Variants in POLN observed in about 807,000 individuals in gnomAD.
POLN encodes the protein DNA polymerase nu.
In POLN, 108 loss-of-function variants were observed where a neutral mutation model predicts 113.5. That is an observed-to-expected ratio of 0.95 (90% confidence interval 0.81 to 1.12). The LOEUF (loss-of-function observed/expected upper bound fraction) is 1.12. Among genes scored for constraint, POLN ranks in the 50% most tolerant of loss-of-function variants. POLN has a pLI of 0.00. For synonymous variants in POLN, 386 were observed against 391.5 expected, an observed-to-expected ratio of 0.99 and a Z score of 0.17; for missense variants, 1,097 against 1,077.1, an observed-to-expected ratio of 1.02 and a Z score of -0.26.
At chr4:2,162,400 C>T (rs1469508717) in intron 13 of POLN, among the ~76,000 whole-genome samples, 2 of 151,802 alleles carry the variant, frequency 1.3e-5, no homozygotes, top group Non-Finnish European at 2.9e-5. Context: ...CACATCCGAA[C>T]ATCAGAAGGA....
intron 13 of POLN, among the ~76,000 whole-genome samples, chr4:2,161,138 C>T (rs1372299776): frequency 6.6e-6 from 1 of 152,220 alleles, no homozygotes; most frequent in African/African-American, 2.4e-5. Context: ...TCGCTCTCGG[C>T]GCCTCCTCTG....
chr4:2,160,311 T>C (rs1381510558), intron 13 of POLN, among the ~76,000 whole-genome samples: 2 of 152,392 alleles, frequency 1.3e-5, no homozygotes, highest in East Asian at 3.8e-4. Flanking sequence ...GTGTGTCTTT[T>C]TCTCCTTGGG....
At chr4:2,095,990 CAG>C in intron 19 of POLN, 57 bp from the exon 20 acceptor site, 2 of 1,443,388 alleles carry the variant, frequency 1.4e-6, no homozygotes, top group Non-Finnish European at 2.0e-6. Flanking sequence ...CAGTGCAGGG[CAG>C]ACAGTCCAAC....
chr4:2,116,300 C>T (rs1373896640), intron 19 of POLN, among the ~76,000 whole-genome samples: 2 of 152,150 alleles, frequency 1.3e-5, no homozygotes. Context: ...TTTCTTCTTC[C>T]CTCATCTATG....
At chr4:2,224,642 G>C (rs35324792) in intron 3 of POLN, among the ~76,000 whole-genome samples, 1 of 151,904 alleles carries the variant, frequency 6.6e-6, no homozygotes, top group South Asian at 2.1e-4. Flanking sequence ...GTTTGTTTAC[G>C]CCAGCATCAC....
chr4:2,078,404 A>C, intron 23 of POLN: 1 of 190,172 alleles, frequency 5.3e-6, no homozygotes, highest in Non-Finnish European at 9.7e-6. Context: ...TGGGTGGTGA[A>C]TGCAGACTGT....
rs774833920 is a variant in POLN at position 2,081,761 on chromosome 4, A to G, written c.2198-18T>C. 1 of 1,608,444 alleles carries G rather than the reference A, an allele frequency of 6.2e-7. No individual in the cohort carries two copies. Among genetic ancestry groups the G allele is most frequent in the East Asian group, 2.2e-5 (1 of 44,802 alleles). ...CACACAGCCTGAGTCACACAGAGCA[A>G]AAGTAGATGAGGGACAGAAACAGGC... On this transcript the variant is annotated intron_variant, in intron 21 of 25. Coordinates refer to ENST00000511885, the MANE Select transcript of POLN (RefSeq NM_181808.4).
intron 15 of POLN, among the ~76,000 whole-genome samples, chr4:2,157,123 A>G (rs539328557): frequency 1.4e-4 from 22 of 152,262 alleles, no homozygotes; most frequent in Non-Finnish European, 1.6e-4. Context: ...GCATGGGGAG[A>G]GGAAGGGCTG....
chr4:2,229,090 A>C lies in POLN; in HGVS notation c.133+9T>G. 1.3e-6 allele frequency: 2 copies of C among 1,573,596 alleles called. No individual in the cohort carries two copies. The highest frequency in any genetic ancestry group is 1.7e-6 in the Non-Finnish European group (2 of 1,158,812). On this transcript the variant is annotated intron_variant, in intron 3 of 25. Transcript: ENST00000511885. ...TCAAGAGAAAGAAAGGTTCATAAAA[A>C]TTACTTACTCTCTGTACTCTTTCCC...
intron 4 of POLN, among the ~76,000 whole-genome samples, chr4:2,209,657 CT>C (rs1175117439): frequency 2.5e-3 from 276 of 108,406 alleles, no homozygotes; most frequent in Middle Eastern, 5.3e-3. Flanking sequence ...TTTCCTTTTC[CT>C]TTTTTTTTTT....
In POLN at chr4:2,093,221, A is replaced by T. The variant is rs553462526; in HGVS notation, c.2065+2630T>A. Among the ~76,000 whole-genome samples, 4 of 152,014 alleles carry T rather than the reference A, an allele frequency of 2.6e-5. No homozygotes were observed. The highest frequency in any genetic ancestry group is 5.9e-5 in the Non-Finnish European group (4 of 67,984). On this transcript the variant is annotated intron_variant, in intron 20 of 25. Transcript: ENST00000511885. This position sits in a 1 kb window ranked among gnomAD's most constrained non-coding sequence, Gnocchi z 4.1. ...AGCTGCCCCACGGCAGGTGCTCGGCACTCTCATTCTCCATCCCTCCCTCCT... is the reference window on the plus strand; with the variant it reads ...AGCTGCCCCACGGCAGGTGCTCGGCTCTCTCATTCTCCATCCCTCCCTCCT...
intron 2 of POLN, chr4:2,240,045 G>C: frequency 1.9e-6 from 3 of 1,611,716 alleles, no homozygotes; most frequent in Non-Finnish European, 1.7e-6. Flanking sequence ...TACCTTGCTG[G>C]TTAGGCTGTG....
In POLN at chr4:2,179,379, C is replaced by G; in HGVS notation, c.1108G>C (p.Glu370Gln). The change falls in exon 8 of 26, where the codon GAA (glutamate) becomes CAA (glutamine). Residue 370 changes from glutamate (E) to glutamine (Q), a missense_variant. Physicochemically the swap from Glu to Gln is conservative, Grantham distance 29. Transcript: ENST00000511885. ...DATPSFEDLV[E>Q]KYCEKSITVK... is the part of the protein sequence containing the mutation. ...GTAATGGATTTTTCACAGTATTTTT[C>G]TACTAAATCTTCAAAAGAGGGTGTG... The G allele has an allele frequency of 1.9e-6, 3 of 1,613,096 alleles. No individual in the cohort carries two copies. Among genetic ancestry groups the G allele is most frequent in the Non-Finnish European group, 2.5e-6 (3 of 1,179,172 alleles).
At chr4:2,171,901 T>C (rs1426087002) in intron 11 of POLN, among the ~76,000 whole-genome samples, 1 of 151,902 alleles carries the variant, frequency 6.6e-6, no homozygotes, top group East Asian at 1.9e-4. Context: ...AAAGAAAGAA[T>C]CAATTCTCCA....
chr4:2,120,516 CAG>C (rs1261615130), intron 19 of POLN, among the ~76,000 whole-genome samples: 1 of 150,682 alleles, frequency 6.6e-6, no homozygotes, highest in Non-Finnish European at 1.5e-5. Context: ...TTTTTTGAGA[CAG>C]AGTCTCGCTC....
chr4:2,129,684 C>T (rs1204181340), intron 17 of POLN, among the ~76,000 whole-genome samples: 1 of 152,192 alleles, frequency 6.6e-6, no homozygotes, highest in African/African-American at 2.4e-5. Flanking sequence ...GCCATGGCGC[C>T]TGGCCTTATT....
Position 2,171,510 on chromosome 4 carries a change from A to G in POLN, c.1375-329T>C, listed in dbSNP as rs554622804. 4.6e-5 allele frequency among the ~76,000 whole-genome samples: 7 copies of G among 152,260 alleles called. No individual in the cohort carries two copies. The South Asian group carries it at 1.5e-3, about 32-fold the overall frequency. On this transcript the variant is annotated intron_variant, in intron 11 of 25. Transcript: ENST00000511885. The stretch of plus-strand genomic sequence containing the variant: ...CGAGGGTTCAAGGTTGCAGTGAGTT[A>G]TAACTGTGCCATTGCACTGCAGCCT...
At chr4:2,094,387 A>AAAGTG in intron 20 of POLN, among the ~76,000 whole-genome samples, 1 of 151,268 alleles carries the variant, frequency 6.6e-6, no homozygotes, top group Non-Finnish European at 1.5e-5. Flanking sequence ...AAAGAAAGAA[A>AAAGTG]CAGAAGCCAA....
intron 16 of POLN, chr4:2,156,349 C>T (rs1267812003): frequency 4.6e-6 from 2 of 431,052 alleles, no homozygotes; most frequent in African/African-American, 4.2e-5. Context: ...ATGCAAGCTG[C>T]ATCATAAGTT....
Sources: gnomAD v4.1 joint callset for allele counts (sites outside exome capture counted in the v4.1 genomes callset) on GRCh38, gnomAD v4.1.1 for gene constraint, Gnocchi (gnomAD v3.1) non-coding constraint, MANE v1.5 for transcripts, NCBI Gene and HGNC (gene_info 2026-07-23, HGNC 2026-07-21) for gene names.